DLGAP2: variants seen among roughly 807,000 people sequenced by gnomAD.
The protein encoded by DLGAP2 is DLG associated protein 2, also known as disks large-associated protein 2.
A neutral mutation model predicts 100.3 loss-of-function variants in DLGAP2; 26 were observed. That is an observed-to-expected ratio of 0.26 (90% CI 0.19 to 0.36). The LOEUF (loss-of-function observed/expected upper bound fraction) is 0.36. Among genes scored for constraint, DLGAP2 ranks in the 10% least tolerant of loss-of-function variants. The pLI is 1.00. For synonymous variants in DLGAP2, 886 were observed against 630.1 expected, an observed-to-expected ratio of 1.41 and a Z score of -6.08; for missense variants, 1,858 against 1,453.2, an observed-to-expected ratio of 1.28 and a Z score of -4.53.
At chr8:1,410,412 G>A (rs1378260056) in intron 3 of DLGAP2, among the ~76,000 whole-genome samples, 1 of 152,206 alleles carries the variant, frequency 6.6e-6, no homozygotes, top group African/African-American at 2.4e-5. Flanking sequence ...CTCGCTGAGT[G>A]CTTCCTTTTT....
chr8:1,419,048 C>G (rs1401752125), intron 3 of DLGAP2, among the ~76,000 whole-genome samples: 1 of 152,260 alleles, frequency 6.6e-6, no homozygotes, highest in African/African-American at 2.4e-5. Flanking sequence ...GTGGACTCTC[C>G]GTGCCCTCTC....
chr8:1,201,919 G>C (rs1215861278), intron 2 of DLGAP2, among the ~76,000 whole-genome samples: 1 of 151,890 alleles, frequency 6.6e-6, no homozygotes, highest in Non-Finnish European at 1.5e-5. Flanking sequence ...CACATGTGTG[G>C]TATCTAGCTC....
At chr8:943,851 A>C (rs1004533467) in intron 2 of DLGAP2, among the ~76,000 whole-genome samples, 2 of 152,376 alleles carry the variant, frequency 1.3e-5, no homozygotes, top group Non-Finnish European at 2.9e-5. Flanking sequence ...AAAGTTAATG[A>C]AGGTATCTGA....
At chr8:1,003,991 TC>T (rs1801035877) in intron 2 of DLGAP2, among the ~76,000 whole-genome samples, 2 of 152,230 alleles carry the variant, frequency 1.3e-5, no homozygotes, top group African/African-American at 4.8e-5. Flanking sequence ...TTATTTCAAT[TC>T]TTTTTTACCA....
intron 3 of DLGAP2, among the ~76,000 whole-genome samples, chr8:1,439,376 C>G (rs1474007520): frequency 6.6e-6 from 1 of 152,176 alleles, no homozygotes; most frequent in Admixed American, 6.5e-5. Context: ...GTCATTGCCA[C>G]GGTCCTGCCG....
At chr8:1,558,156 A>T (rs1287101672) in intron 5 of DLGAP2, among the ~76,000 whole-genome samples, 7 of 152,194 alleles carry the variant, frequency 4.6e-5, no homozygotes, top group Admixed American at 1.3e-4. Context: ...CCAGGCATGC[A>T]GCGCCTCTGT....
intron 3 of DLGAP2, among the ~76,000 whole-genome samples, chr8:1,287,936 C>T (rs1799977432): frequency 3.6e-5 from 3 of 83,148 alleles, no homozygotes; most frequent in South Asian, 8.3e-4. Flanking sequence ...AGTTTTGGTT[C>T]AGCGTGTGTG....
At chr8:1,024,115 C>A (rs181928904) in intron 2 of DLGAP2, among the ~76,000 whole-genome samples, 1 of 151,958 alleles carries the variant, frequency 6.6e-6, no homozygotes, top group East Asian at 2.0e-4. Context: ...AGTGAATCCC[C>A]AGTGGAGGAG....
intron 3 of DLGAP2, among the ~76,000 whole-genome samples, chr8:1,317,462 C>A (rs1189250046): frequency 2.2e-5 from 3 of 138,598 alleles, no homozygotes; most frequent in South Asian, 4.8e-4. Context: ...AGAGGCTGTG[C>A]GAGTGCAGCG....
At chr8:1,440,370 C>A (rs558620286) in intron 3 of DLGAP2, among the ~76,000 whole-genome samples, 1 of 152,104 alleles carries the variant, frequency 6.6e-6, no homozygotes, top group Admixed American at 6.6e-5. Flanking sequence ...TTTTGCGTTA[C>A]GTTTCAAAAG....
intron 3 of DLGAP2, among the ~76,000 whole-genome samples, chr8:1,445,421 T>A (rs1009929393): frequency 1.2e-4 from 18 of 152,010 alleles, no homozygotes; most frequent in Middle Eastern, 6.8e-3. Flanking sequence ...ACATGAACTC[T>A]TCATTTTTTA....
intron 2 of DLGAP2, among the ~76,000 whole-genome samples, chr8:1,130,307 G>A (rs1456724133): frequency 6.6e-6 from 1 of 152,062 alleles, no homozygotes; most frequent in Non-Finnish European, 1.5e-5. Context: ...CTGTTTTTTG[G>A]TATAGATGTG....
intron 3 of DLGAP2, among the ~76,000 whole-genome samples, chr8:1,276,800 T>C (rs1799707119): frequency 6.6e-6 from 1 of 152,202 alleles, no homozygotes. Flanking sequence ...TATTTTATAC[T>C]GGCAAAAAGA....
chr8:1,176,646 G>C (rs1302451229), intron 2 of DLGAP2, among the ~76,000 whole-genome samples: 2 of 152,308 alleles, frequency 1.3e-5, no homozygotes, highest in East Asian at 3.9e-4. Context: ...GAAGTTGGAG[G>C]CTGGGCGAGA....
intron 1 of DLGAP2, among the ~76,000 whole-genome samples, chr8:799,950 G>A (rs1312219879): frequency 3.9e-5 from 6 of 152,174 alleles, no homozygotes. Flanking sequence ...TGCTGTAATT[G>A]CAGTGATTGG....
intron 2 of DLGAP2, among the ~76,000 whole-genome samples, chr8:974,300 A>T (rs1239216520): frequency 1.3e-5 from 2 of 152,230 alleles, no homozygotes; most frequent in African/African-American, 2.4e-5. Flanking sequence ...CAGAGGGGTA[A>T]GGATAAGAAT....
intron 2 of DLGAP2, among the ~76,000 whole-genome samples, chr8:1,072,681 C>T (rs375852089): frequency 6.6e-6 from 1 of 152,190 alleles, no homozygotes; most frequent in Non-Finnish European, 1.5e-5. Context: ...CCATCATGCT[C>T]TCCTGGAGAA....
In DLGAP2 at chr8:1,706,922, A is replaced by T. The variant is rs1482643811; in HGVS notation, c.*5516A>T. On this transcript the variant is annotated 3_prime_UTR_variant, in exon 15 of 15. Coordinates refer to ENST00000637795, the MANE Select transcript of DLGAP2 (RefSeq NM_001346810.2). Reference sequence around the variant, plus strand: ...AAGCTCCGGGAAACAGCCGTCTTTCATCCTTGCCACATTGAAAAATGTCCA... The same window carrying T: ...AAGCTCCGGGAAACAGCCGTCTTTCTTCCTTGCCACATTGAAAAATGTCCA... 1 of 152,384 alleles carries T rather than the reference A, an allele frequency of 6.6e-6. No individual in the cohort carries two copies. The highest frequency in any genetic ancestry group is 2.1e-4 in the South Asian group (1 of 4,830). The allele number at this position is 152,384 out of a possible 1,614,324, so 9.4% of individuals were successfully genotyped here.
chr8:1,007,174 G>T (rs1173633285), intron 2 of DLGAP2, among the ~76,000 whole-genome samples: 1 of 152,156 alleles, frequency 6.6e-6, no homozygotes, highest in Non-Finnish European at 1.5e-5. Flanking sequence ...TGAAGTCTCG[G>T]GATGTGGTCC....
Sources: gnomAD v4.1 joint callset for allele counts (sites outside exome capture counted in the v4.1 genomes callset) on GRCh38, gnomAD v4.1.1 for gene constraint, MANE v1.5 for transcripts, NCBI Gene and HGNC (gene_info 2026-07-23, HGNC 2026-07-21) for gene names.